The following ZFP2 variants were observed in gnomAD, a reference collection of about 807,000 sequenced individuals.
ZFP2 encodes the protein ZFP2 zinc finger protein.
A neutral mutation model predicts 36.1 loss-of-function variants in ZFP2; 33 were observed. That is an observed-to-expected ratio of 0.92 (90% confidence interval 0.69 to 1.22). The LOEUF is 1.22. ZFP2 is among the 50% of genes most tolerant of loss of function. The pLI is 0.00. For missense variants in ZFP2, 522 were observed against 551.4 expected, an observed-to-expected ratio of 0.95 and a Z score of 0.53; for synonymous variants, 170 against 178.0, an observed-to-expected ratio of 0.96 and a Z score of 0.36.
rs1235438126 is a variant in ZFP2 at position 178,925,124 on chromosome 5, TATACAC to T, written c.-77-6111_-77-6106del. 2.7e-4 allele frequency among the ~76,000 whole-genome samples: 19 copies of T among 69,560 alleles called. 1 individual carries two copies. Among genetic ancestry groups the T allele is most frequent in the African/African-American group, 5.7e-4 (15 of 26,130 alleles). The allele number at this position is 69,560 out of a possible 152,430, so 45.6% of individuals were successfully genotyped here. A position where few individuals can be genotyped will look rare whatever the true frequency, so the allele number is the denominator to read the frequency against. Reference sequence around the variant, plus strand: ...TTGAATCTTTATATATATATATATATATACACACACACACACACACACACACATATA... The same window carrying T: ...TTGAATCTTTATATATATATATATATACACACACACACACACACACATATA... On this transcript the variant is annotated intron_variant, in intron 4 of 4. Coordinates refer to ENST00000361362, the MANE Select transcript of ZFP2 (RefSeq NM_030613.4).
At chr5:178,908,858 G>GAA (rs142504589) in intron 1 of ZFP2, among the ~76,000 whole-genome samples, 1 of 151,924 alleles carries the variant, frequency 6.6e-6, no homozygotes, top group Non-Finnish European at 1.5e-5. Context: ...TGAGTGTTGG[G>GAA]AAAAAAAGCT....
At chr5:178,901,454 G>A (rs991973408) in intron 1 of ZFP2, among the ~76,000 whole-genome samples, 1 of 152,190 alleles carries the variant, frequency 6.6e-6, no homozygotes, top group African/African-American at 2.4e-5. Flanking sequence ...TGAAACTGGT[G>A]GGGGAATCCT....
At chr5:178,905,535 G>T (rs1367296610) in intron 1 of ZFP2, among the ~76,000 whole-genome samples, 1 of 152,070 alleles carries the variant, frequency 6.6e-6, no homozygotes, top group African/African-American at 2.4e-5. Context: ...AACAATAACT[G>T]TATCAAAAAG....
intron 4 of ZFP2, among the ~76,000 whole-genome samples, chr5:178,927,590 G>A (rs1372443682): frequency 2.7e-5 from 4 of 150,402 alleles, no homozygotes; most frequent in African/African-American, 9.8e-5. Flanking sequence ...TCCACCTCCC[G>A]GGTTCAAGTG....
In ZFP2 at chr5:178,931,233, TCAGACTGG is replaced by T; in HGVS notation, c.-77-3_-73del. 2.0e-6 allele frequency: 3 copies of T among 1,498,608 alleles called. No individual in the cohort carries two copies. The highest frequency in any genetic ancestry group is 1.4e-5 in the African/African-American group (1 of 70,832). The allele number at this position is 1,498,608 out of a possible 1,614,324, so 92.8% of individuals were successfully genotyped here. A position where few individuals can be genotyped will look rare whatever the true frequency, so the allele number is the denominator to read the frequency against. On this transcript the variant is annotated splice_acceptor_variant and splice_polypyrimidine_tract_variant and 5_prime_UTR_variant and intron_variant, in exon 5 of 5. Coordinates refer to ENST00000361362, the MANE Select transcript of ZFP2 (RefSeq NM_030613.4). LOFTEE classifies it low-confidence loss of function (5UTR_SPLICE). ...TGTGCATTTGAATTTTTTTTTTTTT[TCAGACTGG>T]GAGACAAGACTTGAAACCAAAGAGC...
chr5:178,903,305 T>C (rs1239185557), intron 1 of ZFP2, among the ~76,000 whole-genome samples: 4 of 152,234 alleles, frequency 2.6e-5, no homozygotes, highest in Non-Finnish European at 2.9e-5. Context: ...GTGTTACTTT[T>C]ATTTGCCTTT....
intron 3 of ZFP2, among the ~76,000 whole-genome samples, chr5:178,913,382 C>A (rs1180278418): frequency 6.6e-6 from 1 of 152,174 alleles, no homozygotes; most frequent in Non-Finnish European, 1.5e-5. Context: ...GAATTGAAAC[C>A]CTGTCTTTAC....
rs1476443865 is a variant in ZFP2 at position 178,932,847 on chromosome 5, G to T, written c.*148G>T. On this transcript the variant is annotated 3_prime_UTR_variant, in exon 5 of 5. Coordinates refer to ENST00000361362, the MANE Select transcript of ZFP2 (RefSeq NM_030613.4). ...TCATATCAGATAATACCACTGCAGA[G>T]AATCCATCTAAAAGTAGAGAAATCT... The T allele has an allele frequency of 3.7e-5, 37 of 1,004,482 alleles. No homozygotes were observed. The highest frequency in any genetic ancestry group is 5.0e-5 in the Non-Finnish European group (36 of 717,754). The allele number at this position is 1,004,482 out of a possible 1,614,324, so 62.2% of individuals were successfully genotyped here. A position where few individuals can be genotyped will look rare whatever the true frequency, so the allele number is the denominator to read the frequency against.
intron 1 of ZFP2, chr5:178,909,807 G>T: frequency 6.3e-7 from 1 of 1,592,484 alleles, no homozygotes; most frequent in African/African-American, 1.3e-5. Flanking sequence ...CTCCACAAAG[G>T]TGTCGAAGAG....
At chr5:178,913,659 C>T (rs1758350524) in intron 3 of ZFP2, among the ~76,000 whole-genome samples, 1 of 152,088 alleles carries the variant, frequency 6.6e-6, no homozygotes, top group Non-Finnish European at 1.5e-5. Context: ...TTCTAATCTG[C>T]ATTACTACCC....
chr5:178,904,019 A>G (rs1395975338), intron 1 of ZFP2, among the ~76,000 whole-genome samples: 2 of 152,044 alleles, frequency 1.3e-5, no homozygotes, highest in East Asian at 3.9e-4. Context: ...AAAAAAGAAA[A>G]GTTTTCTGTA....
intron 1 of ZFP2, among the ~76,000 whole-genome samples, chr5:178,905,188 A>G (rs1758145114): frequency 6.6e-6 from 1 of 152,234 alleles, no homozygotes; most frequent in South Asian, 2.1e-4. Context: ...GAAGATTGCC[A>G]TCTTTACGAT....
chr5:178,916,289 C>T (rs760434165), intron 3 of ZFP2, among the ~76,000 whole-genome samples: 6 of 152,150 alleles, frequency 3.9e-5, no homozygotes, highest in Non-Finnish European at 2.9e-5. Flanking sequence ...GAGAGAAATA[C>T]GCTGTGGGCA....
At chr5:178,927,683 G>A (rs1357550527) in intron 4 of ZFP2, among the ~76,000 whole-genome samples, 1 of 149,756 alleles carries the variant, frequency 6.7e-6, no homozygotes, top group East Asian at 2.1e-4. Context: ...GTGTGTGTGT[G>A]TGTGTGTGTG....
rs1758879478 is a variant in ZFP2, at chr5:178,932,941, T to G, written c.*242T>G. ...AGCTAATATAAACAATGAAGAGTCA[T>G]GCTGAAGATAAGTTCTGTTATATCA... is the stretch of plus-strand genomic sequence containing the variant. On this transcript the variant is annotated 3_prime_UTR_variant, in exon 5 of 5. Coordinates refer to ENST00000361362, the MANE Select transcript of ZFP2 (RefSeq NM_030613.4). 8 of 453,376 alleles carry G rather than the reference T, an allele frequency of 1.8e-5. No homozygotes were observed. The South Asian group carries it at 3.1e-4, about 17-fold the overall frequency. The allele number at this position is 453,376 out of a possible 1,614,324, so 28.1% of individuals were successfully genotyped here. A position where few individuals can be genotyped will look rare whatever the true frequency, so the allele number is the denominator to read the frequency against.
intron 4 of ZFP2, among the ~76,000 whole-genome samples, chr5:178,918,248 C>T (rs532896369): frequency 1.1e-4 from 17 of 152,210 alleles, no homozygotes; most frequent in African/African-American, 3.4e-4. Flanking sequence ...AATGATTTAT[C>T]GTGTTCATAA....
Position 178,918,211 on chromosome 5 carries a change from C to G in ZFP2, c.-78+1501C>G, listed in dbSNP as rs976093169. Among the ~76,000 whole-genome samples, 7 of 152,158 alleles carry G rather than the reference C, an allele frequency of 4.6e-5. No homozygotes were observed. In the South Asian group the frequency reaches 1.4e-3, roughly 31 times the overall value. ...TATATCCTGAGCACCCAGAACAGTACCTGGCTTGATAAGTATTTATTGAAT... is the reference window on the plus strand; with the variant it reads ...TATATCCTGAGCACCCAGAACAGTAGCTGGCTTGATAAGTATTTATTGAAT... On this transcript the variant is annotated intron_variant, in intron 4 of 4. Transcript: ENST00000361362.
At chr5:178,903,352 A>G (rs1561677858) in intron 1 of ZFP2, among the ~76,000 whole-genome samples, 1 of 152,182 alleles carries the variant, frequency 6.6e-6, no homozygotes, top group East Asian at 1.9e-4. Context: ...TATTGGGCAT[A>G]TAGACTAATC....
At chr5:178,907,524 T>G (rs1306941882) in intron 1 of ZFP2, among the ~76,000 whole-genome samples, 5 of 151,820 alleles carry the variant, frequency 3.3e-5, no homozygotes, top group African/African-American at 1.2e-4. Flanking sequence ...GGGCACAAAT[T>G]TAACTATTAA....
Sources: allele counts gnomAD v4.1 joint callset (sites outside exome capture counted in the v4.1 genomes callset), GRCh38; gene constraint gnomAD v4.1.1; transcripts MANE v1.5; gene names NCBI Gene and HGNC (gene_info 2026-07-23, HGNC 2026-07-21).